LRRTM4: variants seen among roughly 807,000 people sequenced by gnomAD.
LRRTM4 encodes the protein leucine-rich repeat transmembrane neuronal protein 4.
LRRTM4 carries 25 observed loss-of-function variants against 47.6 expected under a neutral mutation model. The ratio of observed to expected loss-of-function variants is 0.53; its 90% confidence interval spans 0.38 to 0.73. The LOEUF is 0.73. Among genes scored for constraint, LRRTM4 ranks in the 30% least tolerant of loss-of-function variants. The probability of loss-of-function intolerance (pLI) is 0.00; values close to 1 mark genes in which losing one functional copy is unlikely to be tolerated. For missense variants in LRRTM4, 638 were observed against 713.4 expected, an observed-to-expected ratio of 0.89 and a Z score of 1.20; for synonymous variants, 311 against 269.5, an observed-to-expected ratio of 1.15 and a Z score of -1.51.
intron 3 of LRRTM4, among the ~76,000 whole-genome samples, chr2:77,270,833 A>G (rs550969805): frequency 6.6e-6 from 1 of 152,196 alleles, no homozygotes; most frequent in African/African-American, 2.4e-5. Flanking sequence ...ACCACCCTTC[A>G]CCTATTTCAT....
intron 3 of LRRTM4, among the ~76,000 whole-genome samples, chr2:77,106,022 C>G (rs909284866): frequency 1.3e-5 from 2 of 152,154 alleles, no homozygotes; most frequent in African/African-American, 4.8e-5. Context: ...CATCTTGATT[C>G]TATCCTGGGG....
At chr2:76,898,971 A>T (rs1009208543) in intron 3 of LRRTM4, among the ~76,000 whole-genome samples, 1 of 152,050 alleles carries the variant, frequency 6.6e-6, no homozygotes, top group African/African-American at 2.4e-5. Context: ...AGTTTATACA[A>T]GGATGTTCTC....
chr2:77,344,322 AG>A (rs2104282834), intron 3 of LRRTM4, among the ~76,000 whole-genome samples: 1 of 152,012 alleles, frequency 6.6e-6, no homozygotes, highest in African/African-American at 2.4e-5. Context: ...TGCTTTAGGA[AG>A]AAGGGTAAAC....
At chr2:77,158,565 T>A (rs1335961826) in intron 3 of LRRTM4, among the ~76,000 whole-genome samples, 3 of 152,160 alleles carry the variant, frequency 2.0e-5, no homozygotes, top group Non-Finnish European at 2.9e-5. Context: ...TGTTTTCTTA[T>A]GTTTTACATT....
chr2:77,369,116 A>T (rs2103764465), intron 3 of LRRTM4, among the ~76,000 whole-genome samples: 1 of 151,732 alleles, frequency 6.6e-6, no homozygotes, highest in South Asian at 2.1e-4. Flanking sequence ...CTTTTTATGT[A>T]CCTGTTGGCC....
chr2:76,812,359 A>G (rs1670759253), intron 3 of LRRTM4, among the ~76,000 whole-genome samples: 1 of 152,220 alleles, frequency 6.6e-6, no homozygotes, highest in Admixed American at 6.5e-5. Context: ...TTTCCTGGCC[A>G]CTAACCAATG....
Position 77,308,523 on chromosome 2 carries a change from A to AT in LRRTM4, c.1551+209794dup, listed in dbSNP as rs1007051577. ...CCTCATGTGAGTTTTGTAGATAGGC[A>AT]TTTTTTTATCTTTATCATTTTAAAT... On this transcript the variant is annotated intron_variant, in intron 3 of 3. Coordinates refer to ENST00000409884, the MANE Select transcript of LRRTM4 (RefSeq NM_001134745.3). 3.9e-5 allele frequency among the ~76,000 whole-genome samples: 6 copies of AT among 152,022 alleles called. No homozygotes were observed. The East Asian group carries it at 5.8e-4, about 15-fold the overall frequency.
chr2:77,368,236 G>T (rs1672530586), intron 3 of LRRTM4, among the ~76,000 whole-genome samples: 1 of 151,634 alleles, frequency 6.6e-6, no homozygotes, highest in Non-Finnish European at 1.5e-5. Context: ...ATTTGGAAAA[G>T]AAAAATCATT....
intron 3 of LRRTM4, among the ~76,000 whole-genome samples, chr2:77,140,151 G>T (rs869208071): frequency 1.3e-5 from 2 of 152,112 alleles, no homozygotes; most frequent in Admixed American, 1.3e-4. Context: ...AACCAAAAAA[G>T]GGCCCTCATT....
chr2:76,842,330 T>C (rs1226095393), intron 3 of LRRTM4, among the ~76,000 whole-genome samples: 2 of 152,190 alleles, frequency 1.3e-5, no homozygotes, highest in East Asian at 1.9e-4. Flanking sequence ...AGTTGGCAGA[T>C]GACAGATAGT....
intron 3 of LRRTM4, among the ~76,000 whole-genome samples, chr2:77,468,214 C>T (rs2103986626): frequency 6.6e-6 from 1 of 152,218 alleles, no homozygotes; most frequent in East Asian, 1.9e-4. Flanking sequence ...ATCAAAACCA[C>T]ATCAATTATT....
chr2:76,898,324 C>T (rs995603247), intron 3 of LRRTM4, among the ~76,000 whole-genome samples: 1 of 151,984 alleles, frequency 6.6e-6, no homozygotes, highest in African/African-American at 2.4e-5. Context: ...TGGAAATCAG[C>T]AGATTACATA....
At chr2:77,305,195 C>G (rs1174173336) in intron 3 of LRRTM4, among the ~76,000 whole-genome samples, 2 of 151,870 alleles carry the variant, frequency 1.3e-5, no homozygotes, top group Admixed American at 1.3e-4. Flanking sequence ...AATTCAACAC[C>G]AAAACATCAA....
intron 3 of LRRTM4, among the ~76,000 whole-genome samples, chr2:77,370,879 G>T (rs1672631144): frequency 6.6e-6 from 1 of 151,638 alleles, no homozygotes. Flanking sequence ...AGTTTTCAAT[G>T]ATAAAAGGAA....
intron 3 of LRRTM4, among the ~76,000 whole-genome samples, chr2:77,507,796 T>G (rs146104067): frequency 6.6e-6 from 1 of 151,852 alleles, no homozygotes; most frequent in East Asian, 1.9e-4. Flanking sequence ...ATGCACAAAA[T>G]GGAATTCCAG....
rs559746523 is a variant in LRRTM4 at position 77,296,227 on chromosome 2, A to G, written c.1551+222091T>C. Among the ~76,000 whole-genome samples, 6 of 152,322 alleles carry G rather than the reference A, an allele frequency of 3.9e-5. No homozygotes were observed. The South Asian group carries it at 1.2e-3, about 32-fold the overall frequency. Reference sequence around the variant, plus strand: ...ATTCCCCAATATTTTCCCCAACACTAAATATATTTTAACAAGTTAATATTT... The same window carrying G: ...ATTCCCCAATATTTTCCCCAACACTGAATATATTTTAACAAGTTAATATTT... On this transcript the variant is annotated intron_variant, in intron 3 of 3. Transcript: ENST00000409884.
At chr2:76,843,366 AC>A (rs1188104007) in intron 3 of LRRTM4, among the ~76,000 whole-genome samples, 1 of 152,102 alleles carries the variant, frequency 6.6e-6, no homozygotes, top group Non-Finnish European at 1.5e-5. Flanking sequence ...TTTAAAAAAA[AC>A]TTCAGTTATA....
At chr2:77,049,365 G>A (rs1380978569) in intron 3 of LRRTM4, among the ~76,000 whole-genome samples, 1 of 151,032 alleles carries the variant, frequency 6.6e-6, no homozygotes, top group Non-Finnish European at 1.5e-5. Context: ...ATTGTTTGAG[G>A]AACCTCCATA....
chr2:77,220,441 G>A (rs1358141203), intron 3 of LRRTM4, among the ~76,000 whole-genome samples: 1 of 152,160 alleles, frequency 6.6e-6, no homozygotes, highest in Non-Finnish European at 1.5e-5. Flanking sequence ...CAATGGCAAA[G>A]AAGTTAAAAA....
Sources: allele counts gnomAD v4.1 joint callset (sites outside exome capture counted in the v4.1 genomes callset), GRCh38; gene constraint gnomAD v4.1.1; transcripts MANE v1.5; gene names NCBI Gene and HGNC (gene_info 2026-07-23, HGNC 2026-07-21).